The following ACAT1 variants were observed in gnomAD, a reference collection of about 807,000 sequenced individuals.
ACAT1 encodes the protein acetyl-CoA acetyltransferase 1, also known as acetyl-CoA acetyltransferase, mitochondrial.
Under a neutral mutation model 47.3 loss-of-function variants are expected in ACAT1, and 28 were observed. The ratio of observed to expected loss-of-function variants is 0.59; its 90% CI spans 0.44 to 0.81. The LOEUF (loss-of-function observed/expected upper bound fraction) is 0.81, where lower values mean the gene tolerates loss of function less well. ACAT1 is among the 30% of genes least tolerant of loss of function. ACAT1 has a pLI of 0.00. For missense variants in ACAT1, 469 were observed against 524.3 expected (o/e 0.89, Z 1.03); for synonymous variants, 181 against 173.6 (o/e 1.04, Z -0.34).
intron 5 of ACAT1, chr11:108,136,042 G>C (rs2077461994): frequency 4.8e-6 from 3 of 626,024 alleles, no homozygotes; most frequent in Non-Finnish European, 8.4e-6. Flanking sequence ...AATTAGCCTT[G>C]CTGATCTATA....
rs767412638 is a variant in ACAT1 at position 108,147,335 on chromosome 11, C to T, written c.1229C>T (p.Ala410Val). ...HALKQGEYGL[A>V]SICNGGGGAS... is the part of the protein sequence containing the mutation. The stretch of plus-strand genomic sequence containing the variant: ...TTGAAGCAAGGAGAATACGGTCTTG[C>T]CAGTATTTGCAATGGAGGAGGAGGT... The change falls in exon 12 of 12, where the codon GCC becomes GTC. Residue 410 changes from alanine (A) to valine (V), a missense_variant. Transcript: ENST00000265838. 48 of 1,613,700 alleles carry T rather than the reference C, an allele frequency of 3.0e-5. No homozygotes were observed. The highest frequency in any genetic ancestry group is 1.9e-5 in the Non-Finnish European group (23 of 1,179,902).
chr11:108,117,376 C>T (rs1464400258), upstream of ACAT1, among the ~76,000 whole-genome samples: 1 of 151,100 alleles, frequency 6.6e-6, no homozygotes, highest in Non-Finnish European at 1.5e-5. Flanking sequence ...GGCACGATCT[C>T]GACTCACTGC....
intron 1 of ACAT1, chr11:108,129,126 A>T (rs2077306835): frequency 6.6e-6 from 1 of 152,106 alleles, no homozygotes; most frequent in Admixed American, 6.5e-5. Flanking sequence ...TATGAGTGAG[A>T]ACATAAGCTG....
intron 1 of ACAT1, among the ~76,000 whole-genome samples, chr11:108,123,045 T>G (rs2077180508): frequency 6.6e-6 from 1 of 150,676 alleles, no homozygotes; most frequent in Non-Finnish European, 1.5e-5. Context: ...GCCAACGTGG[T>G]GAAGCCCCAC....
chr11:108,147,283 A>G lies in ACAT1; in HGVS notation c.1177A>G (p.Arg393Gly). The change falls in exon 12 of 12, where the codon AGG (arginine) becomes GGG (glycine). Residue 393 changes from arginine to glycine, a missense_variant. Transcript: ENST00000265838. ...LGHPIGMSGA[R>G]IVGHLTHALK... is the part of the protein sequence containing the mutation. Reference sequence around the variant, plus strand: ...TCTTAATTTTAGGATGTCTGGAGCCAGGATTGTTGGTCATTTGACTCATGC... The same window carrying G: ...TCTTAATTTTAGGATGTCTGGAGCCGGGATTGTTGGTCATTTGACTCATGC... 6.2e-7 allele frequency: 1 copy of G among 1,613,990 alleles called. No individual in the cohort carries two copies. The highest frequency in any genetic ancestry group is 8.5e-7 in the Non-Finnish European group (1 of 1,179,936).
intron 1 of ACAT1, among the ~76,000 whole-genome samples, chr11:108,122,104 T>A (rs1312084782): frequency 1.3e-5 from 2 of 152,226 alleles, no homozygotes; most frequent in African/African-American, 2.4e-5. Flanking sequence ...TCTTTTTTAA[T>A]ACAATAGATA....
chr11:108,139,904 GC>G (rs1236672228), intron 6 of ACAT1, 160 bp from the exon 7 acceptor site: 19 of 754,018 alleles, frequency 2.5e-5, no homozygotes, highest in Non-Finnish European at 3.3e-5. Context: ...GCCTGCCTTG[GC>G]CCCCCAAAGT....
chr11:108,144,229 A>T lies in ACAT1; in HGVS notation c.1005+182A>T, dbSNP rs905921719. 49 of 666,260 alleles carry T rather than the reference A, an allele frequency of 7.4e-5. 1 individual carries two copies. In the Admixed American group the frequency reaches 8.7e-4, roughly 12 times the overall value. The allele number at this position is 666,260 out of a possible 1,614,324, so 41.3% of individuals were successfully genotyped here. A position where few individuals can be genotyped will look rare whatever the true frequency, so the allele number is the denominator to read the frequency against. ...ACAAGGATAACAAACAAAAAAAAAA[A>T]AATAAAGAACAGCTCACAAACTACA... On this transcript the variant is annotated intron_variant, in intron 10 of 11. Coordinates refer to ENST00000265838, the MANE Select transcript of ACAT1 (RefSeq NM_000019.4).
intron 1 of ACAT1, among the ~76,000 whole-genome samples, chr11:108,127,266 CTTTT>C (rs566446640): frequency 7.6e-6 from 1 of 131,626 alleles, no homozygotes; most frequent in Admixed American, 7.7e-5. Flanking sequence ...ACATAGAAGC[CTTTT>C]TTTTTTTTTT....
upstream of ACAT1, chr11:108,121,558 G>C: frequency 1.3e-6 from 2 of 1,538,112 alleles, no homozygotes; most frequent in African/African-American, 1.4e-5. Context: ...GGTTGGGGAG[G>C]AGGCCGCTAG....
rs1182438737 is a variant in ACAT1, at chr11:108,142,860, A to G, written c.940+310A>G. 1.6e-5 allele frequency: 5 copies of G among 311,332 alleles called. No homozygotes were observed. In the South Asian group the frequency reaches 1.8e-4, roughly 11 times the overall value. 19.3% of individuals were successfully genotyped at this position (311,332 alleles called of 1,614,324 possible). On this transcript the variant is annotated intron_variant, in intron 9 of 11. Transcript: ENST00000265838. Reference sequence around the variant, plus strand: ...TTAAAAAAAAATAAGGTTTCTAAACATCTATAAGCTCTTCATGAAATTGAG... The same window carrying G: ...TTAAAAAAAAATAAGGTTTCTAAACGTCTATAAGCTCTTCATGAAATTGAG...
At chr11:108,133,494 A>C (rs1335904560) in intron 2 of ACAT1, among the ~76,000 whole-genome samples, 1 of 152,144 alleles carries the variant, frequency 6.6e-6, no homozygotes, top group Non-Finnish European at 1.5e-5. Context: ...CAAAAACAAA[A>C]ATACAAAAAC....
upstream of ACAT1, among the ~76,000 whole-genome samples, chr11:108,118,125 A>T (rs1348597064): frequency 6.6e-6 from 1 of 152,078 alleles, no homozygotes; most frequent in Non-Finnish European, 1.5e-5. Flanking sequence ...ATGTTTTTAA[A>T]TTTTTTCTTT....
rs2077529874 is a variant in ACAT1 at position 108,139,110 on chromosome 11, T to G, written c.579+69T>G. On this transcript the variant is annotated intron_variant, in intron 6 of 11. Coordinates refer to ENST00000265838, the MANE Select transcript of ACAT1 (RefSeq NM_000019.4). Reference sequence around the variant, plus strand: ...ACTGTTTGATTTTTCTTACTCTATGTACTTTACAAACTGAACTGAAAGATG... The same window carrying G: ...ACTGTTTGATTTTTCTTACTCTATGGACTTTACAAACTGAACTGAAAGATG... 2.5e-6 allele frequency: 4 copies of G among 1,583,224 alleles called. No individual in the cohort carries two copies. The East Asian group carries it at 8.9e-5, about 35-fold the overall frequency.
At position 108,121,588 on chromosome 11, in the gene ACAT1, TACTC is replaced by T; in HGVS notation, c.-17_-14del. The T allele has an allele frequency of 6.5e-7, 1 of 1,550,022 alleles. No individual in the cohort carries two copies. The highest frequency in any genetic ancestry group is 1.2e-5 in the South Asian group (1 of 84,046). ...CGCTAGTCTACGCCTGTGGAGCCGA[TACTC>T]AGCCCTCTGCGACCATGGCTGTGCT... is the stretch of plus-strand genomic sequence containing the variant. On this transcript the variant is annotated 5_prime_UTR_variant, in exon 1 of 12. Transcript: ENST00000265838.
At chr11:108,134,077 T>C (rs2077413766) in intron 3 of ACAT1, 140 bp downstream of exon 3, 1 of 1,145,178 alleles carries the variant, frequency 8.7e-7, no homozygotes, top group South Asian at 1.3e-5. Context: ...AAGAAGTCTT[T>C]GTACTATACA....
chr11:108,127,855 G>A (rs1343369560), intron 1 of ACAT1: 1 of 152,230 alleles, frequency 6.6e-6, no homozygotes, highest in Non-Finnish European at 1.5e-5. Flanking sequence ...CAAGGTAAGT[G>A]TGTCTAAGTA....
At chr11:108,117,664 TACA>T (rs1461905731), upstream of ACAT1, among the ~76,000 whole-genome samples, 1 of 152,188 alleles carries the variant, frequency 6.6e-6, no homozygotes, top group Non-Finnish European at 1.5e-5. Context: ...TTTAACGTAG[TACA>T]ACGAGTTATT....
intron 2 of ACAT1, 73 bp from the exon 3 acceptor site, chr11:108,133,747 A>G: frequency 1.6e-6 from 2 of 1,224,634 alleles, no homozygotes; most frequent in East Asian, 4.8e-5. Flanking sequence ...TTTTGATAAT[A>G]TATTTATGTT....
Sources: gnomAD v4.1 joint callset for allele counts (sites outside exome capture counted in the v4.1 genomes callset) on GRCh38, gnomAD v4.1.1 for gene constraint, MANE v1.5 for transcripts, NCBI Gene and HGNC (gene_info 2026-07-23, HGNC 2026-07-21) for gene names.